The following DPY19L2 variants were observed in gnomAD, a reference collection of about 807,000 sequenced individuals.
DPY19L2 encodes the protein dpy-19 like 2.
A neutral mutation model predicts 97.9 loss-of-function variants in DPY19L2; 34 were observed. That is an observed-to-expected ratio of 0.35 (90% CI 0.26 to 0.46). DPY19L2 has a LOEUF of 0.46. Ranked by LOEUF, DPY19L2 falls within the 20% of genes least tolerant of loss-of-function variation. The pLI, the probability that DPY19L2 is intolerant of heterozygous loss-of-function variation, is 1.00. For missense variants in DPY19L2, 623 were observed against 911.4 expected (o/e 0.68, Z 4.07); for synonymous variants, 230 against 307.9 (o/e 0.75, Z 2.65).
chr12:63,668,316 G>C lies in DPY19L2; in HGVS notation c.78C>G (p.Ser26=). The C allele has an allele frequency of 1.2e-6, 2 of 1,613,926 alleles. No individual in the cohort carries two copies. Among genetic ancestry groups the C allele is most frequent in the South Asian group, 2.2e-5 (2 of 91,066 alleles). The change falls in exon 1 of 22, where the codon TCC becomes TCG. Residue 26 remains serine, a synonymous_variant. Coordinates refer to ENST00000324472, the MANE Select transcript of DPY19L2 (RefSeq NM_173812.5). The part of the protein sequence containing the change: ...RSQSKGRRGA[S]LAREPEVEEE... The stretch of plus-strand genomic sequence containing the variant: ...CCTCTACCTCCGGCTCCCGGGCGAG[G>C]GAGGCCCCGCGCCGCCCCTTAGACT...
In DPY19L2 at chr12:63,617,207, A is replaced by T. The variant is rs562437247; in HGVS notation, c.1218+97T>A. ...AATTTTGTCATGTTGAGTGATAATC[A>T]GGAAAGGGCCTATTTATTCTCTTAT... On this transcript the variant is annotated intron_variant, in intron 11 of 21. Coordinates refer to ENST00000324472, the MANE Select transcript of DPY19L2 (RefSeq NM_173812.5). 20 of 664,236 alleles carry T rather than the reference A, an allele frequency of 3.0e-5. No individual in the cohort carries two copies. The East Asian group carries it at 5.0e-4, about 17-fold the overall frequency. 41.1% of individuals were successfully genotyped at this position (664,236 alleles called of 1,614,324 possible). A position where few individuals can be genotyped will look rare whatever the true frequency, so the allele number is the denominator to read the frequency against.
intron 6 of DPY19L2, among the ~76,000 whole-genome samples, chr12:63,631,839 A>C (rs187540592): frequency 6.6e-6 from 1 of 152,160 alleles, no homozygotes; most frequent in Non-Finnish European, 1.5e-5. Flanking sequence ...AACCGAATCC[A>C]GCAGCACATC....
At chr12:63,595,278 G>T (rs1000735411) in intron 15 of DPY19L2, among the ~76,000 whole-genome samples, 11 of 152,044 alleles carry the variant, frequency 7.2e-5, no homozygotes, top group Non-Finnish European at 1.0e-4. Flanking sequence ...ACTGGCTTAA[G>T]ACTTGATAGC....
intron 8 of DPY19L2, 126 bp from the exon 9 acceptor site, chr12:63,621,463 A>G: frequency 2.8e-6 from 2 of 705,200 alleles, no homozygotes; most frequent in Non-Finnish European, 5.0e-6. Context: ...ACAACAAAAT[A>G]TAGTTAACTT....
At chr12:63,618,782 C>A (rs1286578417) in intron 9 of DPY19L2, among the ~76,000 whole-genome samples, 1 of 152,100 alleles carries the variant, frequency 6.6e-6, no homozygotes, top group African/African-American at 2.4e-5. Flanking sequence ...TTTTACTCGC[C>A]TCTCCAATTT....
rs1347463615 is a variant in DPY19L2 at position 63,592,002 on chromosome 12, A to AGGGG, written c.1580+2084_1580+2085insCCCC. ...AGGGGAAGGGAAGGGAAGGGAGGGG[A>AGGGG]AGGGAGGGGAGGGGAGGGGAGGGGA... is the stretch of plus-strand genomic sequence containing the variant. On this transcript the variant is annotated intron_variant, in intron 16 of 21. Coordinates refer to ENST00000324472, the MANE Select transcript of DPY19L2 (RefSeq NM_173812.5). 3.2e-4 allele frequency among the ~76,000 whole-genome samples: 5 copies of AGGGG among 15,796 alleles called. 1 individual carries two copies. The highest frequency in any genetic ancestry group is 1.7e-3 in the African/African-American group (4 of 2,338). 10.4% of individuals were successfully genotyped at this position (15,796 alleles called of 152,430 possible).
intron 4 of DPY19L2, among the ~76,000 whole-genome samples, chr12:63,648,995 CA>C (rs778885283): frequency 6.6e-6 from 1 of 150,982 alleles, no homozygotes; most frequent in African/African-American, 2.4e-5. Context: ...ATAGTCTCAG[CA>C]AAAAAAACAG....
chr12:63,668,635 T>G, upstream of DPY19L2: 1 of 520,180 alleles, frequency 1.9e-6, no homozygotes. Context: ...CACCCCCGCC[T>G]CTGCGCTTCC....
At chr12:63,657,500 G>A (rs970314048) in intron 4 of DPY19L2, among the ~76,000 whole-genome samples, 3 of 151,970 alleles carry the variant, frequency 2.0e-5, no homozygotes, top group African/African-American at 7.3e-5. Flanking sequence ...GGGATTTGGG[G>A]GCTGCACCCT....
rs543695520 is a variant in DPY19L2 at position 63,634,685 on chromosome 12, T to C, written c.804-8159A>G. Among the ~76,000 whole-genome samples, 11 of 152,248 alleles carry C rather than the reference T, an allele frequency of 7.2e-5. No homozygotes were observed. In the South Asian group the frequency reaches 2.3e-3, roughly 32 times the overall value. ...ATGCCCATGGAGCCTCACTCACTGC[T>C]AGCACAGCAGTCTGAGATCCAACTG... On this transcript the variant is annotated intron_variant, in intron 6 of 21. Transcript: ENST00000324472.
chr12:63,667,973 C>G (rs149030531), intron 1 of DPY19L2, 84 bp downstream of exon 1: 40,584 of 1,488,782 alleles, frequency 0.027, 1,397 homozygotes, highest in South Asian at 0.11. Flanking sequence ...ACCCACAAAC[C>G]CTTGCTTGTT....
At chr12:63,594,477 G>GTGTGTGTC (rs1883780229) in intron 15 of DPY19L2, among the ~76,000 whole-genome samples, 1 of 145,756 alleles carries the variant, frequency 6.9e-6, no homozygotes, top group Non-Finnish European at 1.5e-5. Context: ...GTGTGTGTGT[G>GTGTGTGTC]TGTGTGTGTG....
chr12:63,608,281 T>C (rs1565757744), intron 12 of DPY19L2, among the ~76,000 whole-genome samples: 1 of 152,060 alleles, frequency 6.6e-6, no homozygotes, highest in Non-Finnish European at 1.5e-5. Context: ...TTGAGTTATG[T>C]TGAAGGGAAG....
chr12:63,598,499 A>G (rs1416409902), intron 13 of DPY19L2, among the ~76,000 whole-genome samples: 6 of 152,044 alleles, frequency 3.9e-5, no homozygotes, highest in Non-Finnish European at 8.8e-5. Flanking sequence ...CAACAACCAA[A>G]CCCAATGCAG....
At chr12:63,641,125 C>T (rs922830350) in intron 6 of DPY19L2, among the ~76,000 whole-genome samples, 2 of 151,992 alleles carry the variant, frequency 1.3e-5, no homozygotes, top group Admixed American at 6.6e-5. Context: ...AGGTTGGTCT[C>T]GATCTCCTGA....
intron 6 of DPY19L2, among the ~76,000 whole-genome samples, chr12:63,639,550 A>C (rs956761020): frequency 5.3e-5 from 8 of 152,340 alleles, no homozygotes; most frequent in Non-Finnish European, 8.8e-5. Flanking sequence ...GGATATGAAC[A>C]GACACTTCTC....
chr12:63,594,758 A>G (rs1177680528), intron 15 of DPY19L2, among the ~76,000 whole-genome samples: 1 of 152,016 alleles, frequency 6.6e-6, no homozygotes, highest in Non-Finnish European at 1.5e-5. Context: ...CTTGGATCTT[A>G]ATTTTTTAAA....
intron 6 of DPY19L2, among the ~76,000 whole-genome samples, chr12:63,640,283 T>C (rs954216309): frequency 1.2e-4 from 19 of 152,248 alleles, no homozygotes; most frequent in Middle Eastern, 6.8e-3. Context: ...CACACCAATA[T>C]GGCACAAGTA....
At chr12:63,667,556 A>C (rs970651829) in intron 1 of DPY19L2, among the ~76,000 whole-genome samples, 1 of 152,146 alleles carries the variant, frequency 6.6e-6, no homozygotes, top group African/African-American at 2.4e-5. Context: ...CTCATACTTC[A>C]CTGAAACAAA....
Sources: allele counts gnomAD v4.1 joint callset (sites outside exome capture counted in the v4.1 genomes callset), GRCh38; gene constraint gnomAD v4.1.1; transcripts MANE v1.5; gene names NCBI Gene and HGNC (gene_info 2026-07-23, HGNC 2026-07-21).